TPM3: variants seen among roughly 807,000 people sequenced by gnomAD.
The protein encoded by TPM3 is tropomyosin alpha-3 chain.
A neutral mutation model predicts 43.1 loss-of-function variants in TPM3; 16 were observed. The observed-to-expected ratio is 0.37, with a 90% CI of 0.25 to 0.56. TPM3 has a LOEUF of 0.56. Ranked by LOEUF, TPM3 falls within the 20% of genes least tolerant of loss-of-function variation. The pLI is 0.77. For synonymous variants in TPM3, 101 were observed against 116.9 expected (o/e 0.86, Z 0.88); for missense variants, 176 against 337.2 (o/e 0.52, Z 3.74).
intron 9 of TPM3, among the ~76,000 whole-genome samples, chr1:154,168,824 C>G (rs981332014): frequency 2.0e-5 from 3 of 151,534 alleles, no homozygotes; most frequent in Non-Finnish European, 2.9e-5. Flanking sequence ...CTACGCCCAG[C>G]CTTTAATGTT....
chr1:154,179,596 CACTCCCCCAGTGCCGAT>C (rs1393886992), intron 2 of TPM3, among the ~76,000 whole-genome samples: 2 of 152,074 alleles, frequency 1.3e-5, no homozygotes, highest in Non-Finnish European at 2.9e-5. Flanking sequence ...GTTGACCCCT[CACTCCCCCAGTGCCGAT>C]ACTCGCCCAG....
chr1:154,185,718 A>G (rs1663388431), intron 2 of TPM3, among the ~76,000 whole-genome samples: 1 of 151,160 alleles, frequency 6.6e-6, no homozygotes, highest in Admixed American at 6.6e-5. Context: ...TGAAAAAAAA[A>G]AAAAGAAAAA....
At position 154,172,927 on chromosome 1, in the gene TPM3, G is replaced by A. The variant is rs727504181; in HGVS notation, c.547C>T (p.Arg183Ter). ...IEGDLERTEE[R>*]AELAESKCSE... ...ACTCACGACTCTGCCAGCTCAGCTC[G>A]TTCCTCTGTGCGTTCCAAGTCTCCT... Residue 183 changes from arginine (R) to a stop codon, truncating the protein, a stop_gained, in exon 5 of 10, where the codon CGA becomes TGA. Transcript: ENST00000651641. LOFTEE classifies it high-confidence loss of function. 1.2e-6 allele frequency: 2 copies of A among 1,614,178 alleles called. No homozygotes were observed. Among genetic ancestry groups the A allele is most frequent in the Non-Finnish European group, 1.7e-6 (2 of 1,180,054 alleles).
At position 154,167,562 on chromosome 1, in the gene TPM3, C is replaced by G. The variant is rs1312621298; in HGVS notation, c.*375G>C. On this transcript the variant is annotated 3_prime_UTR_variant, in exon 10 of 10. Coordinates refer to ENST00000651641, the MANE Select transcript of TPM3 (RefSeq NM_152263.4). Reference sequence around the variant, plus strand: ...AGTAACCTGTACTAAATCCATCACTCTGGTAGAATCAGATCAGCTGAGTTT... The same window carrying G: ...AGTAACCTGTACTAAATCCATCACTGTGGTAGAATCAGATCAGCTGAGTTT... 2 of 1,162,466 alleles carry G rather than the reference C, an allele frequency of 1.7e-6. No individual in the cohort carries two copies. Among genetic ancestry groups the G allele is most frequent in the African/African-American group, 3.1e-5 (2 of 64,970 alleles). The allele number at this position is 1,162,466 out of a possible 1,614,324, so 72.0% of individuals were successfully genotyped here. A position where few individuals can be genotyped will look rare whatever the true frequency, so the allele number is the denominator to read the frequency against.
In TPM3 at chr1:154,171,176, A is replaced by T. The variant is rs1003598910; in HGVS notation, c.642+237T>A. 4.9e-6 allele frequency: 3 copies of T among 608,246 alleles called. No homozygotes were observed. In the African/African-American group the frequency reaches 5.6e-5, roughly 11 times the overall value. 37.7% of individuals were successfully genotyped at this position (608,246 alleles called of 1,614,324 possible). A position where few individuals can be genotyped will look rare whatever the true frequency, so the allele number is the denominator to read the frequency against. On this transcript the variant is annotated intron_variant, in intron 6 of 9. Transcript: ENST00000651641. The stretch of plus-strand genomic sequence containing the variant: ...CTTGATTATTGCTTTTCAGCACAGC[A>T]GTATCAGCCTAAGGAGCACATGACT...
intron 9 of TPM3, 118 bp from the exon 10 acceptor site, chr1:154,168,058 G>T: frequency 7.0e-7 from 1 of 1,424,406 alleles, no homozygotes; most frequent in Non-Finnish European, 9.8e-7. Flanking sequence ...ATAAAAGAGA[G>T]CCAGACACTT....
rs1055924570 is a variant in TPM3 at position 154,163,620 on chromosome 1, A to G, written c.*4317T>C. On this transcript the variant is annotated 3_prime_UTR_variant, in exon 10 of 10. Transcript: ENST00000651641. Reference sequence around the variant, plus strand: ...AGTTCCATTTGGTTCCTCCTCTTACATAACGTTTTCCTCATTGTTTAATTT... The same window carrying G: ...AGTTCCATTTGGTTCCTCCTCTTACGTAACGTTTTCCTCATTGTTTAATTT... 7.2e-5 allele frequency among the ~76,000 whole-genome samples: 11 copies of G among 151,850 alleles called. No individual in the cohort carries two copies. The highest frequency in any genetic ancestry group is 2.7e-4 in the African/African-American group (11 of 41,348).
chr1:154,161,437 C>A (rs1444973838), downstream of TPM3, among the ~76,000 whole-genome samples: 1 of 113,410 alleles, frequency 8.8e-6, no homozygotes, highest in Admixed American at 9.3e-5. Context: ...TATCAGGATC[C>A]TTTTTTTTTT....
intron 2 of TPM3, among the ~76,000 whole-genome samples, chr1:154,189,190 G>A (rs9700528): frequency 0.42 from 53,724 of 128,628 alleles, 11,898 homozygotes; most frequent in Admixed American, 0.57. Flanking sequence ...AAGCCCAGGC[G>A]CAGTGGCTTA....
At chr1:154,187,353 TTTC>T in intron 2 of TPM3, 1 of 984,776 alleles carries the variant, frequency 1.0e-6, no homozygotes. Context: ...GAAAGAAACC[TTTC>T]TTCTTGCTTG....
chr1:154,167,939 A>G lies in TPM3; in HGVS notation c.856T>C (p.Ter286GlnextTer57), dbSNP rs1405943574. 4 of 1,614,094 alleles carry G rather than the reference A, an allele frequency of 2.5e-6. No homozygotes were observed. In the East Asian group the frequency reaches 6.7e-5, roughly 27 times the overall value. ...GAACAGAGCAGAAACGGTGATAATT[A>G]TCTGTATGAAAAAGTAAGGATACTC... ...DHALNDMTSI[*>Q] The change falls in exon 10 of 10, where the codon TAA (stop) becomes CAA (glutamine). Residue 286 changes from the stop codon to glutamine (Q), a stop_lost and splice_region_variant. Coordinates refer to ENST00000651641, the MANE Select transcript of TPM3 (RefSeq NM_152263.4).
intron 2 of TPM3, chr1:154,187,338 T>C (rs1446365418): frequency 1.0e-6 from 1 of 984,732 alleles, no homozygotes; most frequent in Non-Finnish European, 1.2e-6. Context: ...GACTCTAGCT[T>C]TGAGGAAAGA....
At chr1:154,168,076 A>C (rs1335676778) in intron 9 of TPM3, 136 bp from the exon 10 acceptor site, 7 of 1,293,506 alleles carry the variant, frequency 5.4e-6, no homozygotes, top group Non-Finnish European at 7.7e-6. Flanking sequence ...CTTCAGCCTG[A>C]GAAATGTGGC....
chr1:154,165,367 CAG>C lies in TPM3; in HGVS notation c.*2568_*2569del, dbSNP rs1326139636. ...ACTGCACTCCATCCAGCCTGGGTGA[CAG>C]AGCGAGACTCCATCTCAAAAAGAGA... On this transcript the variant is annotated 3_prime_UTR_variant, in exon 10 of 10. Coordinates refer to ENST00000651641, the MANE Select transcript of TPM3 (RefSeq NM_152263.4). Among the ~76,000 whole-genome samples, 5 of 151,970 alleles carry C rather than the reference CAG, an allele frequency of 3.3e-5. No homozygotes were observed. The highest frequency in any genetic ancestry group is 1.2e-4 in the African/African-American group (5 of 41,364).
intron 3 of TPM3, among the ~76,000 whole-genome samples, chr1:154,173,412 C>T (rs1661829649): frequency 6.6e-6 from 1 of 152,192 alleles, no homozygotes; most frequent in Admixed American, 6.5e-5. Flanking sequence ...CGCCTATAAC[C>T]CCAGCACTTT....
rs1662884192 is a variant in TPM3, at chr1:154,181,007, T to G, written c.244-4759A>C. Among the ~76,000 whole-genome samples, 3 of 152,194 alleles carry G rather than the reference T, an allele frequency of 2.0e-5. No homozygotes were observed. In the South Asian group the frequency reaches 6.2e-4, roughly 32 times the overall value. ...AATGTCCATATTTAAATACTGAGCC[T>G]AAGATTCTGCAGCTCAACACATGGC... On this transcript the variant is annotated intron_variant, in intron 2 of 9. Coordinates refer to ENST00000651641, the MANE Select transcript of TPM3 (RefSeq NM_152263.4).
intron 2 of TPM3, among the ~76,000 whole-genome samples, chr1:154,190,408 A>C (rs1571454568): frequency 1.3e-5 from 2 of 152,216 alleles, no homozygotes; most frequent in East Asian, 3.8e-4. Context: ...TCTTTGCAGC[A>C]AACTTCAAGG....
chr1:154,177,475 C>A (rs1334558436), intron 2 of TPM3, among the ~76,000 whole-genome samples: 4 of 152,116 alleles, frequency 2.6e-5, no homozygotes, highest in South Asian at 2.1e-4. Flanking sequence ...AGGCAGCCTG[C>A]AGGTGGATGG....
Position 154,162,569 on chromosome 1 carries a change from A to T in TPM3, c.*5368T>A, listed in dbSNP as rs1464826802. 6.6e-6 allele frequency among the ~76,000 whole-genome samples: 1 copy of T among 152,100 alleles called. No homozygotes were observed. Among genetic ancestry groups the T allele is most frequent in the Non-Finnish European group, 1.5e-5 (1 of 68,020 alleles). ...CTACATCTTATTCCTTATCTCAATG[A>T]TGGTAACAAGGAAGGGCAAAATGGG... On this transcript the variant is annotated 3_prime_UTR_variant, in exon 10 of 10. Transcript: ENST00000651641.
Sources: gnomAD v4.1 joint callset for allele counts (sites outside exome capture counted in the v4.1 genomes callset) on GRCh38, gnomAD v4.1.1 for gene constraint, MANE v1.5 for transcripts, NCBI Gene and HGNC (gene_info 2026-07-23, HGNC 2026-07-21) for gene names.